CLYBL: variants seen among roughly 807,000 people sequenced by gnomAD.
CLYBL encodes citramalyl-CoA lyase, mitochondrial.
CLYBL carries 31 observed loss-of-function variants against 38.9 expected under a neutral mutation model. The ratio of observed to expected loss-of-function variants is 0.80; its 90% CI spans 0.60 to 1.08. The LOEUF (loss-of-function observed/expected upper bound fraction) is 1.08, where lower values mean the gene tolerates loss of function less well. CLYBL is among the 50% of genes least tolerant of loss of function. The pLI is 0.00. For missense variants in CLYBL, 434 were observed against 411.6 expected, an observed-to-expected ratio of 1.05 and a Z score of -0.47; for synonymous variants, 171 against 158.6, an observed-to-expected ratio of 1.08 and a Z score of -0.59.
intron 2 of CLYBL, among the ~76,000 whole-genome samples, chr13:99,852,188 C>T (rs756862029): frequency 2.0e-5 from 3 of 152,106 alleles, no homozygotes; most frequent in Non-Finnish European, 4.4e-5. Context: ...GTTGGGGAAA[C>T]GGGAGTGACT....
At chr13:99,734,352 A>G (rs1477885570) in intron 1 of CLYBL, among the ~76,000 whole-genome samples, 1 of 152,158 alleles carries the variant, frequency 6.6e-6, no homozygotes, top group East Asian at 1.9e-4. Flanking sequence ...CCCAAAAGAA[A>G]CTGATTGGCA....
At chr13:99,731,053 A>G (rs1013916680) in intron 1 of CLYBL, among the ~76,000 whole-genome samples, 1 of 137,370 alleles carries the variant, frequency 7.3e-6, no homozygotes, top group African/African-American at 2.7e-5. Context: ...ACTGCGCTCC[A>G]GCCTGGGTGA....
intron 1 of CLYBL, among the ~76,000 whole-genome samples, chr13:99,747,581 A>G (rs918925445): frequency 6.6e-6 from 1 of 152,138 alleles, no homozygotes; most frequent in Non-Finnish European, 1.5e-5. Flanking sequence ...CTCTGTTTTC[A>G]TGGAAAAACT....
At chr13:99,739,523 G>C (rs546943721) in intron 1 of CLYBL, among the ~76,000 whole-genome samples, 1 of 152,200 alleles carries the variant, frequency 6.6e-6, no homozygotes, top group South Asian at 2.1e-4. Context: ...CTGCTGAGGG[G>C]TCCCTGTGAT....
intron 1 of CLYBL, among the ~76,000 whole-genome samples, chr13:99,708,918 C>A (rs1005731482): frequency 6.6e-6 from 1 of 151,950 alleles, no homozygotes; most frequent in African/African-American, 2.4e-5. Context: ...TATGGTGAAA[C>A]CCTGTCTCTA....
chr13:99,868,304 A>T (rs2051800958), intron 6 of CLYBL, among the ~76,000 whole-genome samples: 1 of 152,178 alleles, frequency 6.6e-6, no homozygotes, highest in Non-Finnish European at 1.5e-5. Context: ...TTTTTAAATA[A>T]ATGTTTTTTA....
rs188939460 is a variant in CLYBL at position 99,763,378 on chromosome 13, C to T, written c.63-9446C>T. The stretch of plus-strand genomic sequence containing the variant: ...TTTGATGAGGGTTTTGATCATAAAG[C>T]GATGCTGAATTTTATCAAATGCTTT... On this transcript the variant is annotated intron_variant, in intron 1 of 8. Coordinates refer to ENST00000339105, the MANE Select transcript of CLYBL (RefSeq NM_206808.5). Among the ~76,000 whole-genome samples, 31 of 152,076 alleles carry T rather than the reference C, an allele frequency of 2.0e-4. 1 individual carries two copies. The highest frequency in any genetic ancestry group is 1.6e-3 in the Admixed American group (25 of 15,258).
At chr13:99,607,680 C>A (rs745958534) in intron 1 of CLYBL, among the ~76,000 whole-genome samples, 1 of 152,186 alleles carries the variant, frequency 6.6e-6, no homozygotes, top group Non-Finnish European at 1.5e-5. Flanking sequence ...AGCCCTATGA[C>A]CAGTAATGAG....
chr13:99,735,645 A>G (rs2048654676), intron 1 of CLYBL, among the ~76,000 whole-genome samples: 1 of 152,232 alleles, frequency 6.6e-6, no homozygotes, highest in African/African-American at 2.4e-5. Context: ...GCTTGTTTAA[A>G]AAATTTAGAT....
chr13:99,854,692 G>T (rs1232546126), intron 2 of CLYBL, among the ~76,000 whole-genome samples: 1 of 151,982 alleles, frequency 6.6e-6, no homozygotes, highest in Non-Finnish European at 1.5e-5. Context: ...AGCTTTAATG[G>T]GTGCCAATTG....
chr13:99,866,720 G>C (rs2051756582), intron 6 of CLYBL, among the ~76,000 whole-genome samples: 1 of 151,152 alleles, frequency 6.6e-6, no homozygotes, highest in Non-Finnish European at 1.5e-5. Flanking sequence ...TGCTCAAAAA[G>C]TGTTTTTGAG....
At chr13:99,808,563 A>G (rs931877803) in intron 2 of CLYBL, among the ~76,000 whole-genome samples, 1 of 152,228 alleles carries the variant, frequency 6.6e-6, no homozygotes, top group Non-Finnish European at 1.5e-5. Flanking sequence ...TGAGCTTTTG[A>G]AGGACAAGAA....
At chr13:99,651,386 A>G (rs1853007764) in intron 1 of CLYBL, among the ~76,000 whole-genome samples, 1 of 152,128 alleles carries the variant, frequency 6.6e-6, no homozygotes, top group South Asian at 2.1e-4. Context: ...ACTGGCCAAC[A>G]TGGCTAAACC....
At chr13:99,729,137 C>A (rs1383205280) in intron 1 of CLYBL, among the ~76,000 whole-genome samples, 1 of 152,214 alleles carries the variant, frequency 6.6e-6, no homozygotes, top group Non-Finnish European at 1.5e-5. Context: ...CAGCTGGAAA[C>A]AAATAGTACT....
chr13:99,814,275 A>C lies in CLYBL; in HGVS notation c.249+41265A>C, dbSNP rs573255331. 3.9e-5 allele frequency among the ~76,000 whole-genome samples: 6 copies of C among 152,348 alleles called. No homozygotes were observed. The South Asian group carries it at 1.2e-3, about 32-fold the overall frequency. On this transcript the variant is annotated intron_variant, in intron 2 of 8. Transcript: ENST00000339105. ...GGTATAGATATTATAGTTTACAACA[A>C]GCCCAGGTTCAAGGGCTGGTAAACC...
intron 2 of CLYBL, among the ~76,000 whole-genome samples, chr13:99,786,200 C>CTTTTTTTTTTT (rs199863527): frequency 6.5e-5 from 8 of 122,542 alleles, no homozygotes; most frequent in Non-Finnish European, 1.0e-4. Flanking sequence ...CTTAGCTTTC[C>CTTTTTTTTTTT]TTTTTTTTTT....
chr13:99,803,829 G>T (rs2050179684), intron 2 of CLYBL, among the ~76,000 whole-genome samples: 1 of 152,180 alleles, frequency 6.6e-6, no homozygotes, highest in Non-Finnish European at 1.5e-5. Context: ...ATGGGAGTCA[G>T]ATAGACATTC....
intron 1 of CLYBL, among the ~76,000 whole-genome samples, chr13:99,728,697 G>A (rs1295235941): frequency 2.0e-5 from 3 of 151,958 alleles, no homozygotes; most frequent in African/African-American, 7.3e-5. Context: ...CACGTAGCTG[G>A]GACCACAGTT....
At chr13:99,711,614 CA>C (rs201489815) in intron 1 of CLYBL, among the ~76,000 whole-genome samples, 17,161 of 151,016 alleles carry the variant, frequency 0.11, 1,478 homozygotes, top group East Asian at 0.43. Flanking sequence ...CCATGTTGGT[CA>C]GGCTGGTCTT....
Sources: allele counts gnomAD v4.1 joint callset (sites outside exome capture counted in the v4.1 genomes callset), GRCh38; gene constraint gnomAD v4.1.1; transcripts MANE v1.5; gene names NCBI Gene and HGNC (gene_info 2026-07-23, HGNC 2026-07-21).